ANO2: variants seen among roughly 807,000 people sequenced by gnomAD.
ANO2 encodes anoctamin 2, also known as anoctamin-2.
ANO2 carries 101 observed loss-of-function variants against 124.2 expected under a neutral mutation model. That is an observed-to-expected ratio of 0.81 (90% CI 0.69 to 0.96). The LOEUF (loss-of-function observed/expected upper bound fraction) is 0.96, where lower values mean the gene tolerates loss of function less well. Among genes scored for constraint, ANO2 ranks in the 40% least tolerant of loss-of-function variants. ANO2 has a pLI of 0.00. For synonymous variants in ANO2, 486 were observed against 482.5 expected, an observed-to-expected ratio of 1.01 and a Z score of -0.09; for missense variants, 1,293 against 1,274.5, an observed-to-expected ratio of 1.01 and a Z score of -0.22.
At chr12:5,691,722 G>A (rs1429185819) in intron 14 of ANO2, among the ~76,000 whole-genome samples, 1 of 152,018 alleles carries the variant, frequency 6.6e-6, no homozygotes, top group Non-Finnish European at 1.5e-5. Flanking sequence ...TGGGCAACAT[G>A]GCAAAACCCC....
chr12:5,626,962 G>C (rs2136925913), intron 16 of ANO2, among the ~76,000 whole-genome samples: 1 of 152,298 alleles, frequency 6.6e-6, no homozygotes, highest in Admixed American at 6.5e-5. Flanking sequence ...TGGACTTCTT[G>C]CTAACAGAAG....
intron 4 of ANO2, among the ~76,000 whole-genome samples, chr12:5,841,581 C>T (rs1954515776): frequency 6.6e-6 from 1 of 152,230 alleles, no homozygotes; most frequent in South Asian, 2.1e-4. Context: ...CCCTCGGCAG[C>T]CTCAGCCCCT....
At chr12:5,870,937 T>C (rs1453747628) in intron 3 of ANO2, among the ~76,000 whole-genome samples, 1 of 152,272 alleles carries the variant, frequency 6.6e-6, no homozygotes, top group Non-Finnish European at 1.5e-5. Flanking sequence ...ATAGCATATT[T>C]ACTATGATCG....
chr12:5,830,916 G>A (rs1445737580), intron 5 of ANO2, among the ~76,000 whole-genome samples: 1 of 152,170 alleles, frequency 6.6e-6, no homozygotes, highest in Non-Finnish European at 1.5e-5. Flanking sequence ...AAAGATACTG[G>A]TGCATGAACA....
At chr12:5,843,751 T>G (rs898558727) in intron 4 of ANO2, among the ~76,000 whole-genome samples, 1 of 152,122 alleles carries the variant, frequency 6.6e-6, no homozygotes, top group African/African-American at 2.4e-5. Context: ...GAAACATCTC[T>G]TATCATCCTG....
At chr12:5,713,627 G>A (rs992136616) in intron 14 of ANO2, among the ~76,000 whole-genome samples, 4 of 152,168 alleles carry the variant, frequency 2.6e-5, no homozygotes, top group Non-Finnish European at 5.9e-5. Context: ...GACCTTCCTG[G>A]AAGAAAGCTG....
intron 15 of ANO2, among the ~76,000 whole-genome samples, chr12:5,646,859 G>A (rs1226559407): frequency 1.3e-5 from 2 of 152,180 alleles, no homozygotes; most frequent in Non-Finnish European, 2.9e-5. Context: ...CACAATTCCT[G>A]TAGTTAACGG....
chr12:5,851,876 T>C, intron 4 of ANO2: 1 of 708,454 alleles, frequency 1.4e-6, no homozygotes, highest in Non-Finnish European at 2.6e-6. Flanking sequence ...AGGACACACT[T>C]TTCCTGTGTC....
At chr12:5,692,038 T>G (rs1038763136) in intron 14 of ANO2, among the ~76,000 whole-genome samples, 1 of 152,008 alleles carries the variant, frequency 6.6e-6, no homozygotes, top group Non-Finnish European at 1.5e-5. Flanking sequence ...TGTGGGCGAG[T>G]GATGTGATCT....
At chr12:5,886,836 C>A (rs1223518873) in intron 3 of ANO2, among the ~76,000 whole-genome samples, 2 of 151,972 alleles carry the variant, frequency 1.3e-5, no homozygotes, top group Admixed American at 6.5e-5. Flanking sequence ...AATAAAAGGA[C>A]GTGAAAGGAC....
intron 14 of ANO2, among the ~76,000 whole-genome samples, chr12:5,703,933 G>A (rs551921527): frequency 1.1e-4 from 17 of 152,148 alleles, no homozygotes; most frequent in Non-Finnish European, 2.2e-4. Flanking sequence ...ACCCAATGCA[G>A]AAATTCCTCA....
chr12:5,689,267 T>C (rs1948832770), intron 14 of ANO2, among the ~76,000 whole-genome samples: 1 of 152,102 alleles, frequency 6.6e-6, no homozygotes, highest in South Asian at 2.1e-4. Flanking sequence ...GGCAGAATCT[T>C]TGACCTAATT....
In ANO2 at chr12:5,908,328, C is replaced by T. The variant is rs114938587; in HGVS notation, c.534+12712G>A. On this transcript the variant is annotated intron_variant, in intron 3 of 24. Coordinates refer to ENST00000682330, the MANE Select transcript of ANO2 (RefSeq NM_001364791.2). The surrounding 1 kb of genome is among the most constrained non-coding windows in gnomAD (Gnocchi z 4.7). ...GAAGAGCCCAGAAAGAACGGATCAA[C>T]AGCATGGGCTAAAATATCCACGGTC... Among the ~76,000 whole-genome samples the T allele has an allele frequency of 0.011, 1,733 of 152,346 alleles. 35 individuals carry two copies. Among genetic ancestry groups the T allele is most frequent in the African/African-American group, 0.039 (1,640 of 41,576 alleles).
In ANO2 at chr12:5,769,576, C is replaced by T. The variant is rs557096437; in HGVS notation, c.1056-18606G>A. ...AATCCTCATCTGAATCCAAGAGAAA[C>T]GGTAAAGGCAAGTCCTGATTCCAGG... On this transcript the variant is annotated intron_variant, in intron 10 of 24. Transcript: ENST00000682330. This position sits in a 1 kb window ranked among gnomAD's most constrained non-coding sequence, Gnocchi z 4.0. Among the ~76,000 whole-genome samples, 10 of 152,296 alleles carry T rather than the reference C, an allele frequency of 6.6e-5. No homozygotes were observed. Among genetic ancestry groups the T allele is most frequent in the Admixed American group, 2.6e-4 (4 of 15,302 alleles).
intron 3 of ANO2, among the ~76,000 whole-genome samples, chr12:5,876,981 A>T (rs958289360): frequency 3.9e-5 from 6 of 152,246 alleles, no homozygotes; most frequent in Non-Finnish European, 5.9e-5. Context: ...TATAATTTTT[A>T]AAAAAGACAG....
chr12:5,610,386 C>T (rs1431944209), intron 19 of ANO2, among the ~76,000 whole-genome samples: 1 of 89,310 alleles, frequency 1.1e-5, no homozygotes, highest in Non-Finnish European at 2.0e-5. Flanking sequence ...TATATAAATG[C>T]ATATATTTAT....
At chr12:5,644,124 T>C (rs1946518525) in intron 15 of ANO2, among the ~76,000 whole-genome samples, 2 of 152,190 alleles carry the variant, frequency 1.3e-5, no homozygotes, top group South Asian at 4.1e-4. Context: ...TATTTTTTTC[T>C]TATATATTTA....
At chr12:5,594,584 C>T (rs959435756) in intron 20 of ANO2, among the ~76,000 whole-genome samples, 1 of 152,104 alleles carries the variant, frequency 6.6e-6, no homozygotes, top group Non-Finnish European at 1.5e-5. Flanking sequence ...GCCTGTAATC[C>T]CAGCAATTTC....
rs754864698 is a variant in ANO2 at position 5,635,168 on chromosome 12, C to T, written c.1800G>A (p.Lys600=). 20 of 1,583,566 alleles carry T rather than the reference C, an allele frequency of 1.3e-5. No homozygotes were observed. Among genetic ancestry groups the T allele is most frequent in the Non-Finnish European group, 1.7e-5 (20 of 1,168,406 alleles). ...ILDEIYGAVA[K]WLTKIEVPKT... is the part of the protein sequence containing the mutation. Reference sequence around the variant, plus strand: ...ACACAGTACCAATTTTGGTGAGCCACTTGGCCACAGCGCCGTAGATCTCGT... The same window carrying T: ...ACACAGTACCAATTTTGGTGAGCCATTTGGCCACAGCGCCGTAGATCTCGT... Residue 600 remains lysine (K), a synonymous_variant, in exon 16 of 25, where the codon AAG becomes AAA. Coordinates refer to ENST00000682330, the MANE Select transcript of ANO2 (RefSeq NM_001364791.2). The surrounding 1 kb of genome is among the most constrained non-coding windows in gnomAD (Gnocchi z 5.2).
Sources: allele counts gnomAD v4.1 joint callset (sites outside exome capture counted in the v4.1 genomes callset), GRCh38; gene constraint gnomAD v4.1.1; non-coding constraint Gnocchi (gnomAD v3.1); transcripts MANE v1.5; gene names NCBI Gene and HGNC (gene_info 2026-07-23, HGNC 2026-07-21).